The following HAVCR1 variants were observed in gnomAD, a reference collection of about 807,000 sequenced individuals.
HAVCR1 encodes the protein T cell immunoglobin domain and mucin domain protein 1.
HAVCR1 carries 34 observed loss-of-function variants against 32.0 expected under a neutral mutation model. The observed-to-expected ratio is 1.06, with a 90% CI of 0.81 to 1.42. The LOEUF is 1.42. Ranked by LOEUF, HAVCR1 falls within the 40% of genes most tolerant of loss-of-function variation. The pLI is 0.00. For missense variants in HAVCR1, 420 were observed against 442.3 expected (o/e 0.95, Z 0.45); for synonymous variants, 178 against 170.3 (o/e 1.05, Z -0.35).
intron 3 of HAVCR1, among the ~76,000 whole-genome samples, chr5:157,054,306 C>G (rs1357115028): frequency 6.6e-6 from 1 of 151,924 alleles, no homozygotes; most frequent in Non-Finnish European, 1.5e-5. Flanking sequence ...TCAAGACCAG[C>G]CTGGCCAACA....
At chr5:157,051,422 A>T (rs981182787) in intron 4 of HAVCR1, among the ~76,000 whole-genome samples, 23 of 152,214 alleles carry the variant, frequency 1.5e-4, no homozygotes, top group Non-Finnish European at 1.5e-4. Context: ...TCCAAACATA[A>T]AACTCAGTGC....
intron 4 of HAVCR1, among the ~76,000 whole-genome samples, chr5:157,049,580 A>G (rs1352565746): frequency 6.6e-6 from 1 of 152,220 alleles, no homozygotes; most frequent in African/African-American, 2.4e-5. Context: ...AGGAATTTGC[A>G]CTAACATGCC....
At chr5:157,046,733 T>C (rs1396614751) in intron 5 of HAVCR1, among the ~76,000 whole-genome samples, 1 of 152,134 alleles carries the variant, frequency 6.6e-6, no homozygotes, top group African/African-American at 2.4e-5. Context: ...TTCTATTTGT[T>C]CTTATATGGG....
At chr5:157,041,437 G>T (rs1754886802) in intron 6 of HAVCR1, among the ~76,000 whole-genome samples, 1 of 151,936 alleles carries the variant, frequency 6.6e-6, no homozygotes, top group South Asian at 2.1e-4. Context: ...AGAGGAGGTT[G>T]CAGTGAGCTG....
intron 6 of HAVCR1, among the ~76,000 whole-genome samples, chr5:157,041,089 CTT>C (rs2113530535): frequency 6.6e-6 from 1 of 152,184 alleles, no homozygotes; most frequent in Non-Finnish European, 1.5e-5. Context: ...AGGTAGAAGA[CTT>C]TGATGAGCAT....
intron 7 of HAVCR1, 164 bp downstream of exon 7, chr5:157,037,083 C>A: frequency 1.6e-6 from 1 of 626,192 alleles, no homozygotes; most frequent in Non-Finnish European, 2.8e-6. Flanking sequence ...TTTCCCTTCC[C>A]CCTTGAGGTA....
chr5:157,038,375 AGAAG>A (rs1754666133), intron 6 of HAVCR1, among the ~76,000 whole-genome samples: 1 of 152,212 alleles, frequency 6.6e-6, no homozygotes, highest in East Asian at 1.9e-4. Flanking sequence ...GTATTTTAAT[AGAAG>A]GAAGGGGGAG....
chr5:157,065,329 A>G, the HAVCR1 span, among the ~76,000 whole-genome samples: 1 of 152,020 alleles, frequency 6.6e-6, no homozygotes, highest in South Asian at 2.1e-4. Context: ...ATGGTATTTT[A>G]AAGCCAGGAG....
At chr5:157,038,023 GAA>G (rs369563938) in intron 6 of HAVCR1, among the ~76,000 whole-genome samples, 2,279 of 142,568 alleles carry the variant, frequency 0.016, 56 homozygotes, top group African/African-American at 0.052. Context: ...AAGAAAAAAA[GAA>G]AAAAAAATTG....
chr5:157,050,484 T>A (rs1755674219), intron 4 of HAVCR1, among the ~76,000 whole-genome samples: 1 of 152,190 alleles, frequency 6.6e-6, no homozygotes, highest in Non-Finnish European at 1.5e-5. Flanking sequence ...TCCAGGGTTC[T>A]CTCATTCCTG....
chr5:157,044,153 G>A (rs1755082173), intron 5 of HAVCR1, among the ~76,000 whole-genome samples: 1 of 151,878 alleles, frequency 6.6e-6, no homozygotes, highest in Non-Finnish European at 1.5e-5. Context: ...CCAATGTGGT[G>A]AAACCCCATC....
chr5:157,067,361 G>A, the HAVCR1 span, among the ~76,000 whole-genome samples: 3 of 152,180 alleles, frequency 2.0e-5, no homozygotes, highest in Admixed American at 2.0e-4. Flanking sequence ...ATCACTCTAA[G>A]CTTCACAAAG....
At chr5:157,043,757 C>A (rs1755060369) in intron 5 of HAVCR1, among the ~76,000 whole-genome samples, 1 of 152,186 alleles carries the variant, frequency 6.6e-6, no homozygotes, top group Admixed American at 6.5e-5. Context: ...ATGTAGTGAA[C>A]ACTTTACCTT....
At chr5:157,062,825 A>G (rs1351501864), upstream of HAVCR1, among the ~76,000 whole-genome samples, 2 of 152,100 alleles carry the variant, frequency 1.3e-5, no homozygotes, top group South Asian at 2.1e-4. Context: ...TTTACCATAG[A>G]AAATACATAA....
chr5:157,062,239 G>C (rs963125088), upstream of HAVCR1, among the ~76,000 whole-genome samples: 1 of 152,188 alleles, frequency 6.6e-6, no homozygotes, highest in African/African-American at 2.4e-5. Context: ...CGGGCACGGT[G>C]GTGGGTGCCT....
chr5:157,066,737 T>C, the HAVCR1 span, among the ~76,000 whole-genome samples: 2 of 152,062 alleles, frequency 1.3e-5, no homozygotes, highest in African/African-American at 2.4e-5. Context: ...TGGGCACATA[T>C]GTCTGGGGAA....
intron 6 of HAVCR1, among the ~76,000 whole-genome samples, chr5:157,037,649 G>T (rs541775743): frequency 6.6e-6 from 1 of 152,256 alleles, no homozygotes; most frequent in African/African-American, 2.4e-5. Flanking sequence ...TGCTTAAAAT[G>T]GGTTTGTATG....
intron 3 of HAVCR1, 145 bp from the exon 4 acceptor site, chr5:157,052,799 G>C: frequency 1.4e-6 from 1 of 724,618 alleles, no homozygotes; most frequent in South Asian, 1.7e-5. Context: ...TCATTGCCCA[G>C]CTAGAAACTG....
chr5:157,050,039 G>A (rs1755646456), intron 4 of HAVCR1, among the ~76,000 whole-genome samples: 1 of 152,154 alleles, frequency 6.6e-6, no homozygotes, highest in Non-Finnish European at 1.5e-5. Context: ...GAAATTTAGA[G>A]TCAATTAGTG....
Sources: allele counts gnomAD v4.1 joint callset (sites outside exome capture counted in the v4.1 genomes callset), GRCh38; gene constraint gnomAD v4.1.1; transcripts MANE v1.5; gene names NCBI Gene and HGNC (gene_info 2026-07-23, HGNC 2026-07-21).